The following MACROD1 variants were observed in gnomAD, a reference collection of about 807,000 sequenced individuals.
MACROD1 encodes the protein mono-ADP ribosylhydrolase 1, also known as ADP-ribose glycohydrolase MACROD1.
MACROD1 carries 31 observed loss-of-function variants against 41.4 expected under a neutral mutation model. The observed-to-expected ratio is 0.75, with a 90% confidence interval of 0.56 to 1.01. MACROD1 has a LOEUF of 1.01. Among genes scored for constraint, MACROD1 ranks in the 50% least tolerant of loss-of-function variants. The pLI is 0.00. For missense variants in MACROD1, 473 were observed against 460.0 expected, an observed-to-expected ratio of 1.03 and a Z score of -0.26; for synonymous variants, 252 against 203.4, an observed-to-expected ratio of 1.24 and a Z score of -2.03.
chr11:64,123,050 A>G (rs1483521792), intron 3 of MACROD1, among the ~76,000 whole-genome samples: 1 of 152,100 alleles, frequency 6.6e-6, no homozygotes, highest in Admixed American at 6.5e-5. Flanking sequence ...AAAATACAAC[A>G]AGGAGAACTG....
chr11:64,041,430 T>C (rs971658658), intron 3 of MACROD1, among the ~76,000 whole-genome samples: 2 of 151,832 alleles, frequency 1.3e-5, no homozygotes, highest in Non-Finnish European at 2.9e-5. Context: ...GAGGGGCTTT[T>C]CCTGGGGGAG....
At chr11:64,134,320 A>G (rs1945303807) in intron 3 of MACROD1, among the ~76,000 whole-genome samples, 1 of 152,176 alleles carries the variant, frequency 6.6e-6, no homozygotes, top group Non-Finnish European at 1.5e-5. Flanking sequence ...GGTTGCAGAG[A>G]GAGTTGAAAC....
chr11:64,097,859 A>G (rs1483391492), intron 3 of MACROD1, among the ~76,000 whole-genome samples: 1 of 151,728 alleles, frequency 6.6e-6, no homozygotes, highest in Non-Finnish European at 1.5e-5. Context: ...CCAGGCTTGG[A>G]GCCCATAGCA....
intron 3 of MACROD1, among the ~76,000 whole-genome samples, chr11:64,056,816 C>G (rs1406643024): frequency 6.6e-6 from 1 of 152,140 alleles, no homozygotes; most frequent in Non-Finnish European, 1.5e-5. Flanking sequence ...GGTGCAAGGC[C>G]TGTCCCACCC....
rs898028695 is a variant in MACROD1 at position 64,152,403 on chromosome 11, C to T, written c.299-10G>A. The T allele has an allele frequency of 6.2e-7, 1 of 1,610,612 alleles. No individual in the cohort carries two copies. The highest frequency in any genetic ancestry group is 1.3e-5 in the African/African-American group (1 of 74,872). On this transcript the variant is annotated splice_polypyrimidine_tract_variant and intron_variant, in intron 1 of 10. Coordinates refer to ENST00000255681, the MANE Select transcript of MACROD1 (RefSeq NM_014067.4). ...AGGCCCTTCAGAAAGGCTGCAGAGGCAGGAAGGAGGATCAGGGTGGGGGCA... is the reference window on the plus strand; with the variant it reads ...AGGCCCTTCAGAAAGGCTGCAGAGGTAGGAAGGAGGATCAGGGTGGGGGCA...
intron 1 of MACROD1, among the ~76,000 whole-genome samples, chr11:64,152,888 C>T (rs1945604245): frequency 6.6e-6 from 1 of 152,220 alleles, no homozygotes; most frequent in South Asian, 2.1e-4. Flanking sequence ...CTGTCCTCCT[C>T]CAGGAGCTGC....
intron 3 of MACROD1, chr11:64,103,508 G>C (rs536366282): frequency 5.3e-5 from 8 of 151,770 alleles, no homozygotes; most frequent in African/African-American, 1.9e-4. Flanking sequence ...AGCCTTTGGA[G>C]AGTGGCTCCC....
intron 3 of MACROD1, among the ~76,000 whole-genome samples, chr11:64,083,767 G>A (rs1157347985): frequency 6.6e-6 from 1 of 152,174 alleles, no homozygotes; most frequent in African/African-American, 2.4e-5. Flanking sequence ...CTCCTGAAGG[G>A]CCCCAGCCCC....
chr11:64,054,156 G>A (rs1246803058), intron 3 of MACROD1, among the ~76,000 whole-genome samples: 2 of 152,204 alleles, frequency 1.3e-5, no homozygotes, highest in Non-Finnish European at 2.9e-5. Flanking sequence ...CGGCTAGCCA[G>A]GGTCAGGGCA....
intron 3 of MACROD1, chr11:64,118,137 A>G (rs1945028832): frequency 6.2e-7 from 1 of 1,613,702 alleles, no homozygotes; most frequent in Non-Finnish European, 8.5e-7. Flanking sequence ...GATGCTGCCC[A>G]TCAACCCGTA....
chr11:64,102,348 C>T (rs1944685275), intron 3 of MACROD1, among the ~76,000 whole-genome samples: 1 of 149,448 alleles, frequency 6.7e-6, no homozygotes, highest in African/African-American at 2.4e-5. Context: ...AGGGCGGCTG[C>T]GGGTGTTGAG....
intron 3 of MACROD1, chr11:64,148,706 G>A (rs920265308): frequency 8.1e-6 from 8 of 984,696 alleles, no homozygotes; most frequent in South Asian, 9.4e-5. Context: ...TGGGTTTCAC[G>A]AGGCACAGAC....
intron 3 of MACROD1, among the ~76,000 whole-genome samples, chr11:64,016,698 T>C (rs930328100): frequency 6.6e-6 from 1 of 152,200 alleles, no homozygotes; most frequent in African/African-American, 2.4e-5. Flanking sequence ...ACTTGCGAGA[T>C]TAATACAAGC....
intron 3 of MACROD1, among the ~76,000 whole-genome samples, chr11:64,130,415 C>T (rs1334203960): frequency 5.9e-5 from 9 of 152,194 alleles, no homozygotes; most frequent in Non-Finnish European, 1.2e-4. Context: ...CCACTGGGTT[C>T]TGGAAGCTTC....
intron 8 of MACROD1, 137 bp downstream of exon 8, chr11:63,999,194 G>A: frequency 7.4e-7 from 1 of 1,354,404 alleles, no homozygotes. Context: ...ACCGCCAGGC[G>A]CCCTTGCGCA....
At chr11:64,114,955 G>A (rs961437291) in intron 3 of MACROD1, among the ~76,000 whole-genome samples, 4 of 152,216 alleles carry the variant, frequency 2.6e-5, no homozygotes, top group South Asian at 4.1e-4. Flanking sequence ...AGAGAAGACA[G>A]AAAGTTTGGC....
At position 64,012,299 on chromosome 11, in the gene MACROD1, G is replaced by A. The variant is rs189450703; in HGVS notation, c.547+2953C>T. 2.7e-3 allele frequency among the ~76,000 whole-genome samples: 416 copies of A among 152,306 alleles called. 1 individual carries two copies. Among genetic ancestry groups the A allele is most frequent in the African/African-American group, 9.2e-3 (384 of 41,550 alleles). The stretch of plus-strand genomic sequence containing the variant: ...ACAGGCCATCTGTGAGCCACTCCTG[G>A]ATTTGCCAAAACATCTTTGGTTTCC... On this transcript the variant is annotated intron_variant, in intron 4 of 10. Coordinates refer to ENST00000255681, the MANE Select transcript of MACROD1 (RefSeq NM_014067.4).
chr11:64,105,727 CTG>C (rs1944750847), intron 3 of MACROD1, among the ~76,000 whole-genome samples: 1 of 152,214 alleles, frequency 6.6e-6, no homozygotes, highest in Admixed American at 6.5e-5. Context: ...AGTTGAGACA[CTG>C]TTCCCCAGCA....
At chr11:64,163,392 G>A (rs934105041) in intron 1 of MACROD1, among the ~76,000 whole-genome samples, 1 of 152,204 alleles carries the variant, frequency 6.6e-6, no homozygotes, top group African/African-American at 2.4e-5. Context: ...CTCTCCTGGA[G>A]TATGGCCAGA....
Sources: allele counts gnomAD v4.1 joint callset (sites outside exome capture counted in the v4.1 genomes callset), GRCh38; gene constraint gnomAD v4.1.1; transcripts MANE v1.5; gene names NCBI Gene and HGNC (gene_info 2026-07-23, HGNC 2026-07-21).